SYNDIG1: variants seen among roughly 807,000 people sequenced by gnomAD.
The protein encoded by SYNDIG1 is synapse differentiation-inducing gene protein 1.
Under a neutral mutation model 19.4 loss-of-function variants are expected in SYNDIG1, and 9 were observed. That is an observed-to-expected ratio of 0.46 (90% CI 0.28 to 0.81). SYNDIG1 has a LOEUF of 0.81. SYNDIG1 is among the 30% of genes least tolerant of loss of function. The pLI is 0.12. For synonymous variants in SYNDIG1, 141 were observed against 145.9 expected (o/e 0.97, Z 0.24); for missense variants, 311 against 343.3 (o/e 0.91, Z 0.74).
chr20:24,559,231 A>G (rs186360542), intron 2 of SYNDIG1, among the ~76,000 whole-genome samples: 164 of 152,336 alleles, frequency 1.1e-3, no homozygotes, highest in African/African-American at 3.9e-3. Flanking sequence ...TGAATGAAAC[A>G]AGCCAGGCAC....
chr20:24,531,404 G>A (rs575675372), intron 1 of SYNDIG1, among the ~76,000 whole-genome samples: 1 of 152,256 alleles, frequency 6.6e-6, no homozygotes, highest in South Asian at 2.1e-4. Flanking sequence ...GTGGTAGGGT[G>A]GGCGAGACAT....
At chr20:24,630,855 G>T (rs2059230595) in intron 3 of SYNDIG1, among the ~76,000 whole-genome samples, 2 of 152,240 alleles carry the variant, frequency 1.3e-5, no homozygotes, top group South Asian at 4.1e-4. Context: ...GAAGCAGTTG[G>T]TGGTGAGACT....
At chr20:24,489,298 A>G (rs1237136559) in intron 1 of SYNDIG1, among the ~76,000 whole-genome samples, 3 of 152,044 alleles carry the variant, frequency 2.0e-5, no homozygotes, top group Admixed American at 6.6e-5. Flanking sequence ...GCACAGTCAC[A>G]TGCAGGCACA....
chr20:24,524,809 T>G (rs1262723249), intron 1 of SYNDIG1, among the ~76,000 whole-genome samples: 1 of 152,146 alleles, frequency 6.6e-6, no homozygotes, highest in African/African-American at 2.4e-5. Flanking sequence ...GCTCCCTGGC[T>G]CTCTCTTTAC....
At chr20:24,517,992 A>G (rs546417243) in intron 1 of SYNDIG1, among the ~76,000 whole-genome samples, 17 of 151,262 alleles carry the variant, frequency 1.1e-4, no homozygotes, top group African/African-American at 4.1e-4. Context: ...TTTTTAGTAG[A>G]GATGGGGCTT....
chr20:24,593,477 G>A (rs1335740628), intron 3 of SYNDIG1, among the ~76,000 whole-genome samples: 2 of 143,318 alleles, frequency 1.4e-5, no homozygotes, highest in African/African-American at 5.2e-5. Context: ...CATGCTATTG[G>A]GAATAGTGCT....
At chr20:24,576,317 G>C (rs990665830) in intron 2 of SYNDIG1, among the ~76,000 whole-genome samples, 32 of 152,346 alleles carry the variant, frequency 2.1e-4, no homozygotes, top group African/African-American at 7.0e-4. Flanking sequence ...TGAATTCTCA[G>C]ATTTTAGGAA....
At chr20:24,656,548 G>GTGA (rs1258349847) in intron 3 of SYNDIG1, among the ~76,000 whole-genome samples, 1 of 152,206 alleles carries the variant, frequency 6.6e-6, no homozygotes, top group East Asian at 1.9e-4. Context: ...CTGGAGGAAG[G>GTGA]TGAAGCACCG....
intron 2 of SYNDIG1, among the ~76,000 whole-genome samples, chr20:24,578,987 C>T (rs937315110): frequency 2.6e-5 from 4 of 152,208 alleles, no homozygotes; most frequent in African/African-American, 7.2e-5. Context: ...AGGCTTGAGC[C>T]GAGCCACCCG....
At chr20:24,574,864 G>GATCC (rs2058202296) in intron 2 of SYNDIG1, among the ~76,000 whole-genome samples, 1 of 152,210 alleles carries the variant, frequency 6.6e-6, no homozygotes, top group Non-Finnish European at 1.5e-5. Flanking sequence ...GAACATTACA[G>GATCC]ATCCCTAGGG....
intron 1 of SYNDIG1, among the ~76,000 whole-genome samples, chr20:24,531,198 A>G (rs1026380888): frequency 2.0e-5 from 3 of 152,084 alleles, no homozygotes; most frequent in Non-Finnish European, 4.4e-5. Context: ...AGATGGTCTT[A>G]TATGTTAAAT....
At chr20:24,636,811 G>A (rs2059320870) in intron 3 of SYNDIG1, among the ~76,000 whole-genome samples, 1 of 152,168 alleles carries the variant, frequency 6.6e-6, no homozygotes, top group African/African-American at 2.4e-5. Context: ...TTCATTAAAA[G>A]GAAAATCTTA....
chr20:24,575,322 T>C (rs1174865649), intron 2 of SYNDIG1, among the ~76,000 whole-genome samples: 1 of 152,204 alleles, frequency 6.6e-6, no homozygotes, highest in African/African-American at 2.4e-5. Flanking sequence ...ACGGAGGTGA[T>C]CCATTAAGGC....
intron 2 of SYNDIG1, among the ~76,000 whole-genome samples, chr20:24,581,995 C>T (rs1281419249): frequency 6.7e-6 from 1 of 149,180 alleles, no homozygotes; most frequent in African/African-American, 2.5e-5. Flanking sequence ...GCACAGTCTC[C>T]ATATTGCATG....
chr20:24,565,733 C>A (rs1003134955), intron 2 of SYNDIG1, among the ~76,000 whole-genome samples: 13 of 152,174 alleles, frequency 8.5e-5, no homozygotes, highest in African/African-American at 3.1e-4. Context: ...GATCTCCCAG[C>A]AGCCCCAACT....
intron 2 of SYNDIG1, among the ~76,000 whole-genome samples, chr20:24,579,190 A>G (rs770587368): frequency 3.9e-5 from 6 of 152,210 alleles, no homozygotes; most frequent in Non-Finnish European, 8.8e-5. Flanking sequence ...GTGCTCCGTC[A>G]GTGGTCAGTG....
intron 1 of SYNDIG1, among the ~76,000 whole-genome samples, chr20:24,505,324 G>A (rs954143412): frequency 2.0e-5 from 3 of 152,172 alleles, no homozygotes; most frequent in Non-Finnish European, 4.4e-5. Flanking sequence ...GATGCCCAGG[G>A]TGTCATATTT....
chr20:24,515,519 T>C (rs1031814854), intron 1 of SYNDIG1, among the ~76,000 whole-genome samples: 17 of 151,942 alleles, frequency 1.1e-4, no homozygotes, highest in African/African-American at 4.1e-4. Flanking sequence ...TGTGCAAAAA[T>C]CACAAGCATT....
chr20:24,638,378 A>C (rs1372313166), intron 3 of SYNDIG1, among the ~76,000 whole-genome samples: 2 of 152,166 alleles, frequency 1.3e-5, no homozygotes, highest in Admixed American at 6.5e-5. Flanking sequence ...CTGTCTCCAG[A>C]GGGTCTCACT....
Sources: allele counts gnomAD v4.1 joint callset (sites outside exome capture counted in the v4.1 genomes callset), GRCh38; gene constraint gnomAD v4.1.1; transcripts MANE v1.5; gene names NCBI Gene and HGNC (gene_info 2026-07-23, HGNC 2026-07-21).